The following HMGXB3 variants were observed in gnomAD, a reference collection of about 807,000 sequenced individuals.
HMGXB3 encodes the protein HMG domain-containing protein 3.
A neutral mutation model predicts 121.5 loss-of-function variants in HMGXB3; 45 were observed. The ratio of observed to expected loss-of-function variants is 0.37; its 90% CI spans 0.29 to 0.47. The LOEUF (loss-of-function observed/expected upper bound fraction) is 0.47. Ranked by LOEUF, HMGXB3 falls within the 20% of genes least tolerant of loss-of-function variation. The pLI is 0.99. For synonymous variants in HMGXB3, 590 were observed against 624.1 expected, an observed-to-expected ratio of 0.95 and a Z score of 0.81; for missense variants, 1,376 against 1,602.2, an observed-to-expected ratio of 0.86 and a Z score of 2.41.
At chr5:150,048,141 A>T (rs1334443925) in intron 17 of HMGXB3, among the ~76,000 whole-genome samples, 1 of 152,254 alleles carries the variant, frequency 6.6e-6, no homozygotes, top group East Asian at 1.9e-4. Context: ...GTTACTACCT[A>T]TGCAAGCTCT....
At position 150,000,849 on chromosome 5, in the gene HMGXB3, C is replaced by T. The variant is rs949509783; in HGVS notation, c.-333C>T. On this transcript the variant is annotated 5_prime_UTR_variant, in exon 1 of 20. Transcript: ENST00000502717. ...CCCGGGGCTTGACCCCCGGGGCCCT[C>T]GGCAGGCATCGGTGAGGAGCCTGCG... 3.2e-5 allele frequency: 5 copies of T among 154,780 alleles called. No homozygotes were observed. Among genetic ancestry groups the T allele is most frequent in the Non-Finnish European group, 2.9e-5 (2 of 68,202 alleles). The allele number at this position is 154,780 out of a possible 1,614,324, so 9.6% of individuals were successfully genotyped here.
intron 11 of HMGXB3, among the ~76,000 whole-genome samples, chr5:150,033,063 T>A (rs963235562): frequency 8.5e-5 from 13 of 152,206 alleles, no homozygotes; most frequent in Non-Finnish European, 1.9e-4. Flanking sequence ...TTTCTAGCAG[T>A]CTAGGCAGCC....
intron 18 of HMGXB3, 148 bp downstream of exon 18, chr5:150,048,833 T>C (rs1756821850): frequency 1.6e-6 from 1 of 634,328 alleles, no homozygotes. Flanking sequence ...TGCTACCCCC[T>C]GGGCTAGGGA....
intron 6 of HMGXB3, among the ~76,000 whole-genome samples, chr5:150,023,302 A>G (rs1581254108): frequency 6.6e-6 from 1 of 152,164 alleles, no homozygotes; most frequent in Non-Finnish European, 1.5e-5. Context: ...TAGGTCACCC[A>G]AAATGCTGTC....
At chr5:150,016,143 A>C (rs1755954975) in intron 5 of HMGXB3, among the ~76,000 whole-genome samples, 1 of 152,104 alleles carries the variant, frequency 6.6e-6, no homozygotes, top group African/African-American at 2.4e-5. Context: ...CCAGGAGTTC[A>C]AGACCAGCCT....
In HMGXB3 at chr5:150,050,344, T is replaced by C. The variant is rs900903785; in HGVS notation, c.3294T>C (p.Tyr1098=). The C allele has an allele frequency of 3.5e-5, 55 of 1,551,762 alleles. No individual in the cohort carries two copies. The highest frequency in any genetic ancestry group is 4.5e-5 in the Non-Finnish European group (52 of 1,147,030). The change falls in exon 19 of 20, where the codon TAT becomes TAC. Residue 1098 remains tyrosine, a synonymous_variant. Coordinates refer to ENST00000502717, the MANE Select transcript of HMGXB3 (RefSeq NM_014983.3). ...LASSRHWPPV[Y]VVDMATSVAL... is the part of the protein sequence containing the mutation. ...CTTCCCGCCACTGGCCGCCTGTCTA[T>C]GTGGTAGATATGGCCACGTCAGTGG...
chr5:150,048,472 T>G, intron 17 of HMGXB3, 97 bp from the exon 18 acceptor site: 1 of 854,272 alleles, frequency 1.2e-6, no homozygotes, highest in Non-Finnish European at 1.9e-6. Flanking sequence ...CAGTTTATTC[T>G]TTTGCTTTGG....
rs1365560805 is a variant in HMGXB3, at chr5:150,037,456, T to C, written c.2342T>C (p.Val781Ala). 1 of 1,551,354 alleles carries C rather than the reference T, an allele frequency of 6.4e-7. No homozygotes were observed. Among genetic ancestry groups the C allele is most frequent in the African/African-American group, 1.4e-5 (1 of 73,026 alleles). The change falls in exon 13 of 20, where the codon GTG becomes GCG. Residue 781 changes from valine (V) to alanine (A), a missense_variant. Physicochemically the swap from Val to Ala is moderately conservative, Grantham distance 64. This residue lies in a region of HMGXB3 where 1,116 missense variants were observed against 1,369.0 expected (regional missense o/e 0.82). Coordinates refer to ENST00000502717, the MANE Select transcript of HMGXB3 (RefSeq NM_014983.3). ...WLLTASRLQT[V>A]TAQVKMCLNP... Reference sequence around the variant, plus strand: ...CTGACAGCCAGCCGTCTGCAGACAGTGACTGCCCAGGTGAAGATGTGTCTG... The same window carrying C: ...CTGACAGCCAGCCGTCTGCAGACAGCGACTGCCCAGGTGAAGATGTGTCTG...
chr5:150,009,326 TAATC>T (rs1298681021), intron 3 of HMGXB3, among the ~76,000 whole-genome samples: 5 of 152,222 alleles, frequency 3.3e-5, no homozygotes, highest in Non-Finnish European at 5.9e-5. Context: ...ATGGGAATAA[TAATC>T]TTATCTAACA....
intron 19 of HMGXB3, 90 bp downstream of exon 19, chr5:150,050,551 G>A (rs1214321211): frequency 9.1e-6 from 9 of 984,414 alleles, no homozygotes; most frequent in African/African-American, 8.1e-5. Context: ...GTGTTATCTC[G>A]GCTCACTGCA....
intron 13 of HMGXB3, among the ~76,000 whole-genome samples, chr5:150,038,298 A>G (rs148511519): frequency 6.5e-4 from 99 of 152,302 alleles, no homozygotes; most frequent in African/African-American, 2.3e-3. Flanking sequence ...CTTAGAACTT[A>G]ATGGTGCTTT....
At chr5:150,021,486 ACACAAAT>A in intron 6 of HMGXB3, 1 of 271,042 alleles carries the variant, frequency 3.7e-6, no homozygotes, top group Non-Finnish European at 7.3e-6. Context: ...ATGAAGCCCA[ACACAAAT>A]TCATAAACTA....
At chr5:150,048,534 G>T (rs1005141889) in intron 17 of HMGXB3, 35 bp from the exon 18 acceptor site, 1 of 1,396,654 alleles carries the variant, frequency 7.2e-7, no homozygotes, top group Non-Finnish European at 9.9e-7. Context: ...CTTAGCATTC[G>T]CCCTTATGTT....
rs753629527 is a variant in HMGXB3 at position 150,026,794 on chromosome 5, A to G, written c.1549A>G (p.Met517Val). The change falls in exon 8 of 20, where the codon ATG becomes GTG. Residue 517 changes from methionine to valine, a missense_variant. By Grantham distance (21) the Met-to-Val change is conservative. Around this residue, in one of 2 missense-constraint regions of HMGXB3, gnomAD observed 1,116 missense variants for 1,369.0 expected, o/e 0.82. Coordinates refer to ENST00000502717, the MANE Select transcript of HMGXB3 (RefSeq NM_014983.3). Reference protein sequence around the residue: ...KPSLLAAARPMRAILPAPVNV... With the variant: ...KPSLLAAARPVRAILPAPVNV... ...CTCATTACTGGCTGCAGCAAGACCC[A>G]TGAGAGCAATTTTGCCAGCCCCAGT... 1.3e-4 allele frequency: 209 copies of G among 1,548,590 alleles called. No homozygotes were observed. Among genetic ancestry groups the G allele is most frequent in the Non-Finnish European group, 1.7e-4 (195 of 1,146,068 alleles).
rs940633208 is a variant in HMGXB3, at chr5:150,006,458, T to A, written c.138-15T>A. The stretch of plus-strand genomic sequence containing the variant: ...CCATTACTGGGAAAGCCTGAAGAAG[T>A]CATTGCTTCCTCAGGTCTGCTTACC... On this transcript the variant is annotated splice_polypyrimidine_tract_variant and intron_variant, in intron 2 of 19. Coordinates refer to ENST00000502717, the MANE Select transcript of HMGXB3 (RefSeq NM_014983.3). 2.6e-6 allele frequency: 4 copies of A among 1,544,118 alleles called. No individual in the cohort carries two copies. The highest frequency in any genetic ancestry group is 3.5e-6 in the Non-Finnish European group (4 of 1,142,382).
At chr5:150,003,247 C>T (rs1466327450) in intron 1 of HMGXB3, among the ~76,000 whole-genome samples, 1 of 152,190 alleles carries the variant, frequency 6.6e-6, no homozygotes, top group Non-Finnish European at 1.5e-5. Flanking sequence ...CTATATTTGA[C>T]AGCACAGATG....
intron 6 of HMGXB3, among the ~76,000 whole-genome samples, chr5:150,021,245 A>G (rs1314343671): frequency 6.6e-6 from 1 of 152,248 alleles, no homozygotes; most frequent in Non-Finnish European, 1.5e-5. Context: ...ACATTTTACC[A>G]TCAGTGCACT....
chr5:150,040,827 G>C lies in HMGXB3; in HGVS notation c.2493G>C (p.Glu831Asp), dbSNP rs962867106. The C allele has an allele frequency of 1.5e-5, 23 of 1,551,670 alleles. No individual in the cohort carries two copies. The highest frequency in any genetic ancestry group is 1.7e-5 in the Non-Finnish European group (19 of 1,147,016). ...FAIRNQIKLGEDPRVSINVVL... is the reference protein window; with the variant it reads ...FAIRNQIKLGDDPRVSINVVL... Reference sequence around the variant, plus strand: ...TCAGAAATCAGATCAAGCTCGGAGAGGACCCCAGAGTGTCCATCAATGTTG... The same window carrying C: ...TCAGAAATCAGATCAAGCTCGGAGACGACCCCAGAGTGTCCATCAATGTTG... Residue 831 changes from glutamate (E) to aspartate (D), a missense_variant, in exon 14 of 20, where the codon GAG becomes GAC. By Grantham distance (45) the Glu-to-Asp change is conservative (BLOSUM62 2). This residue lies in a region of HMGXB3 where 1,116 missense variants were observed against 1,369.0 expected (regional missense o/e 0.82). Coordinates refer to ENST00000502717, the MANE Select transcript of HMGXB3 (RefSeq NM_014983.3).
At chr5:150,021,019 G>A (rs1756079456) in intron 6 of HMGXB3, among the ~76,000 whole-genome samples, 1 of 152,130 alleles carries the variant, frequency 6.6e-6, no homozygotes, top group East Asian at 1.9e-4. Flanking sequence ...TTACATGTGT[G>A]AGCCATGGTG....
Sources: allele counts gnomAD v4.1 joint callset (sites outside exome capture counted in the v4.1 genomes callset), GRCh38; gene constraint gnomAD v4.1.1; regional missense constraint gnomAD v4.1.1; transcripts MANE v1.5; gene names NCBI Gene and HGNC (gene_info 2026-07-23, HGNC 2026-07-21).